DNM2: variants seen among roughly 807,000 people sequenced by gnomAD.
DNM2 encodes dynamin 2.
Under a neutral mutation model 99.0 loss-of-function variants are expected in DNM2, and 15 were observed. That is an observed-to-expected ratio of 0.15 (90% CI 0.10 to 0.23). The LOEUF (loss-of-function observed/expected upper bound fraction) is 0.23, where lower values mean the gene tolerates loss of function less well. DNM2 is among the 10% of genes least tolerant of loss of function. DNM2 has a pLI of 1.00. For synonymous variants in DNM2, 525 were observed against 481.2 expected (o/e 1.09, Z -1.19); for missense variants, 742 against 1,189.4 (o/e 0.62, Z 5.53).
chr19:10,814,468 GA>G (rs78057245), intron 15 of DNM2, among the ~76,000 whole-genome samples: 7,916 of 150,572 alleles, frequency 0.053, 530 homozygotes, highest in East Asian at 0.36. Flanking sequence ...GTGTCTCAAA[GA>G]AAAAAAAACA....
Position 10,819,227 on chromosome 19 carries a change from C to A in DNM2, c.1672-753C>A, listed in dbSNP as rs540901770. Among the ~76,000 whole-genome samples the A allele has an allele frequency of 3.3e-5, 5 of 152,250 alleles. No individual in the cohort carries two copies. The East Asian group carries it at 9.7e-4, about 29-fold the overall frequency. ...AGGAGTTTAAGACCAGCCTGGGCAA[C>A]ATAGCGAGACCCCATCTCTATTAAA... On this transcript the variant is annotated intron_variant, in intron 15 of 20. Coordinates refer to ENST00000389253, the MANE Select transcript of DNM2 (RefSeq NM_001005361.3).
At chr19:10,809,662 T>G (rs1464386305) in intron 14 of DNM2, 1 of 152,412 alleles carries the variant, frequency 6.6e-6, no homozygotes, top group African/African-American at 2.4e-5. Flanking sequence ...GCTCTTACAC[T>G]TGGACAGCAC....
chr19:10,799,805 A>T (rs993276334), intron 11 of DNM2, among the ~76,000 whole-genome samples: 2 of 151,226 alleles, frequency 1.3e-5, no homozygotes, highest in Non-Finnish European at 2.9e-5. Context: ...AAGTGCTGGG[A>T]TTATAGGGGT....
At position 10,746,900 on chromosome 19, in the gene DNM2, C is replaced by G. The variant is rs2070007153; in HGVS notation, c.162-12838C>G. On this transcript the variant is annotated intron_variant, in intron 1 of 20. Coordinates refer to ENST00000389253, the MANE Select transcript of DNM2 (RefSeq NM_001005361.3). ...TACAGGTGCCCACCACCACGCCTGG[C>G]TAATTTTTGTATTTTTAGTAGAGAC... is the stretch of plus-strand genomic sequence containing the variant. Among the ~76,000 whole-genome samples the G allele has an allele frequency of 2.6e-5, 4 of 151,472 alleles. No individual in the cohort carries two copies. In the South Asian group the frequency reaches 8.4e-4, roughly 32 times the overall value.
chr19:10,775,640 C>T lies in DNM2; in HGVS notation c.386-63C>T. On this transcript the variant is annotated intron_variant, in intron 3 of 20. Coordinates refer to ENST00000389253, the MANE Select transcript of DNM2 (RefSeq NM_001005361.3). This position sits in a 1 kb window ranked among gnomAD's most constrained non-coding sequence, Gnocchi z 4.3. Reference sequence around the variant, plus strand: ...ACTTTGGTAGTCAGCTGGGTGGCTGCGGGCCTGTTTGTGCCTCCCCTCTCC... The same window carrying T: ...ACTTTGGTAGTCAGCTGGGTGGCTGTGGGCCTGTTTGTGCCTCCCCTCTCC... The T allele has an allele frequency of 1.3e-6, 2 of 1,587,274 alleles. No homozygotes were observed. Among genetic ancestry groups the T allele is most frequent in the South Asian group, 1.1e-5 (1 of 90,210 alleles).
Position 10,772,462 on chromosome 19 carries a change from C to T in DNM2, c.236-17C>T. ...CACAGCTCTTTCTCATTTTCAGCAT[C>T]TCTCTTCCCTTTCTAGAACATGCCG... On this transcript the variant is annotated splice_polypyrimidine_tract_variant and intron_variant, in intron 2 of 20. Coordinates refer to ENST00000389253, the MANE Select transcript of DNM2 (RefSeq NM_001005361.3). The surrounding 1 kb of genome is among the most constrained non-coding windows in gnomAD (Gnocchi z 4.9). 1 of 1,613,826 alleles carries T rather than the reference C, an allele frequency of 6.2e-7. No homozygotes were observed. Among genetic ancestry groups the T allele is most frequent in the South Asian group, 1.1e-5 (1 of 91,078 alleles).
chr19:10,745,349 C>T (rs752704475), intron 1 of DNM2, among the ~76,000 whole-genome samples: 3 of 152,134 alleles, frequency 2.0e-5, no homozygotes, highest in Non-Finnish European at 4.4e-5. Flanking sequence ...CCTTGCCAAA[C>T]CACTGCATTA....
intron 6 of DNM2, among the ~76,000 whole-genome samples, chr19:10,785,641 A>G (rs948077103): frequency 2.0e-5 from 3 of 151,926 alleles, no homozygotes; most frequent in African/African-American, 4.8e-5. Flanking sequence ...AGGTCTCACC[A>G]TATTGCCTGG....
chr19:10,750,034 C>T (rs997996172), intron 1 of DNM2, among the ~76,000 whole-genome samples: 2 of 152,140 alleles, frequency 1.3e-5, no homozygotes, highest in African/African-American at 4.8e-5. Flanking sequence ...CTGGACAGGA[C>T]GGGCTAGGAC....
intron 1 of DNM2, among the ~76,000 whole-genome samples, chr19:10,725,335 A>G (rs2069077248): frequency 6.6e-6 from 1 of 151,592 alleles, no homozygotes; most frequent in Non-Finnish European, 1.5e-5. Flanking sequence ...AGTCCCAGCT[A>G]TTTGGGAGGC....
At chr19:10,749,211 G>A (rs2070106283) in intron 1 of DNM2, among the ~76,000 whole-genome samples, 1 of 152,222 alleles carries the variant, frequency 6.6e-6, no homozygotes, top group South Asian at 2.1e-4. Flanking sequence ...CTCTGGGTTT[G>A]AGCCTGCATC....
intron 8 of DNM2, 137 bp downstream of exon 8, chr19:10,793,992 C>A: frequency 7.0e-7 from 1 of 1,422,008 alleles, no homozygotes; most frequent in Admixed American, 1.8e-5. Flanking sequence ...AGGGTGTGGC[C>A]TGGATGAGGT....
rs1413578989 is a variant in DNM2, at chr19:10,818,759, C to T, written c.1672-1221C>T. On this transcript the variant is annotated intron_variant, in intron 15 of 20. Transcript: ENST00000389253. The surrounding 1 kb of genome is among the most constrained non-coding windows in gnomAD (Gnocchi z 4.3). ...CATGAGAGGAGTTTCCAGAGACGGC[C>T]CAGGGAGAAGAAGGGCCAGGGGCAC... Among the ~76,000 whole-genome samples the T allele has an allele frequency of 1.3e-5, 2 of 152,156 alleles. No homozygotes were observed. Among genetic ancestry groups the T allele is most frequent in the Non-Finnish European group, 2.9e-5 (2 of 68,030 alleles).
intron 17 of DNM2, 75 bp downstream of exon 17, chr19:10,823,974 C>A: frequency 6.9e-7 from 1 of 1,458,240 alleles, no homozygotes; most frequent in Non-Finnish European, 9.6e-7. Context: ...TTCCCCAGGA[C>A]AGGTCATTTT....
rs181900582 is a variant in DNM2, at chr19:10,828,947, G to A, written c.2059-89G>A. The A allele has an allele frequency of 2.5e-4, 350 of 1,386,694 alleles. 1 individual carries two copies. Among genetic ancestry groups the A allele is most frequent in the East Asian group, 2.4e-3 (96 of 40,220 alleles). 85.9% of individuals were successfully genotyped at this position (1,386,694 alleles called of 1,614,324 possible). On this transcript the variant is annotated intron_variant, in intron 18 of 20. Coordinates refer to ENST00000389253, the MANE Select transcript of DNM2 (RefSeq NM_001005361.3). ...TTCAAAAAAGTCTGGGGGTGGCCCC[G>A]CCCTGTGAGAGATGTTTTTCCAGCA...
Position 10,808,579 on chromosome 19 carries a change from TG to T in DNM2, c.1557+1del. The T allele has an allele frequency of 6.2e-7, 1 of 1,612,452 alleles. No homozygotes were observed. Among genetic ancestry groups the T allele is most frequent in the Non-Finnish European group, 8.5e-7 (1 of 1,179,294 alleles). ...KRAIPNQGEILVIRRGWLTIN... is the reference protein window; with the variant it reads ...KRAIPNQGEIXVIRRGWLTIN... ...TTTGCATATTCAAAGGGGGAGATCC[TG>T]GTAAGTACATGCTTAGTGTGGTAGC... On this transcript the variant is annotated frameshift_variant and splice_region_variant, in exon 14 of 21. Coordinates refer to ENST00000389253, the MANE Select transcript of DNM2 (RefSeq NM_001005361.3). LOFTEE classifies it high-confidence loss of function.
chr19:10,735,672 C>T (rs2069498686), intron 1 of DNM2, among the ~76,000 whole-genome samples: 1 of 151,898 alleles, frequency 6.6e-6, no homozygotes, highest in Non-Finnish European at 1.5e-5. Context: ...CACCACCACG[C>T]CCGGCTAATT....
intron 2 of DNM2, among the ~76,000 whole-genome samples, chr19:10,770,725 T>C (rs2070946128): frequency 6.6e-6 from 1 of 152,188 alleles, no homozygotes; most frequent in South Asian, 2.1e-4. Context: ...AGAGAGCTTC[T>C]GCAGGGAAAC....
intron 11 of DNM2, 67 bp downstream of exon 11, chr19:10,798,639 G>A: frequency 6.3e-7 from 1 of 1,584,502 alleles, no homozygotes; most frequent in Non-Finnish European, 8.7e-7. Context: ...GTACTGTTCT[G>A]TGCATGCTGA....
Sources: gnomAD v4.1 joint callset for allele counts (sites outside exome capture counted in the v4.1 genomes callset) on GRCh38, gnomAD v4.1.1 for gene constraint, Gnocchi (gnomAD v3.1) non-coding constraint, MANE v1.5 for transcripts, NCBI Gene and HGNC (gene_info 2026-07-23, HGNC 2026-07-21) for gene names.